The following GABRA4 variants were observed in gnomAD, a reference collection of about 807,000 sequenced individuals.
GABRA4 encodes the protein gamma-aminobutyric acid receptor subunit alpha-4.
GABRA4 carries 12 observed loss-of-function variants against 49.7 expected under a neutral mutation model. The observed-to-expected ratio is 0.24, with a 90% confidence interval of 0.15 to 0.39. The LOEUF is 0.39. Among genes scored for constraint, GABRA4 ranks in the 10% least tolerant of loss-of-function variants. GABRA4 has a pLI of 1.00. For missense variants in GABRA4, 506 were observed against 686.0 expected (o/e 0.74, Z 2.93); for synonymous variants, 288 against 240.2 (o/e 1.20, Z -1.84).
chr4:46,957,281 C>CAA (rs3046817), intron 8 of GABRA4, among the ~76,000 whole-genome samples: 77,506 of 151,290 alleles, frequency 0.51, 20,217 homozygotes, highest in East Asian at 0.7. Flanking sequence ...AGGATAAATA[C>CAA]AAAAAAAATT....
At chr4:46,975,295 A>G (rs1030363113) in intron 5 of GABRA4, among the ~76,000 whole-genome samples, 2 of 151,974 alleles carry the variant, frequency 1.3e-5, no homozygotes, top group African/African-American at 4.8e-5. Flanking sequence ...GAAACAAACT[A>G]TGAGGCTTGT....
rs1560479488 is a variant in GABRA4 at position 46,974,316 on chromosome 4, C to T, written c.637G>A (p.Glu213Lys). The T allele has an allele frequency of 6.2e-7, 1 of 1,611,750 alleles. No individual in the cohort carries two copies. The highest frequency in any genetic ancestry group is 1.7e-5 in the Admixed American group (1 of 59,842). The change falls in exon 6 of 9, where the codon GAA becomes AAA. Residue 213 changes from glutamate (E) to lysine (K), a missense_variant. This residue lies in a region of GABRA4 where 195 missense variants were observed against 326.0 expected (regional missense o/e 0.60). Transcript: ENST00000264318. ...AAGCTGGAAGACTCCTTCGGAACTT[C>T]AACTGATTTCTCAGGACCTTTTGTC... ...TWTKGPEKSV[E>K]VPKESSSLVQ...
rs1160419335 is a variant in GABRA4, at chr4:46,922,111, A to G, written c.*6114T>C. 6.6e-6 allele frequency: 1 copy of G among 152,126 alleles called. No homozygotes were observed. The highest frequency in any genetic ancestry group is 2.4e-5 in the African/African-American group (1 of 41,434). The allele number at this position is 152,126 out of a possible 1,614,324, so 9.4% of individuals were successfully genotyped here. A position where few individuals can be genotyped will look rare whatever the true frequency, so the allele number is the denominator to read the frequency against. On this transcript the variant is annotated 3_prime_UTR_variant, in exon 9 of 9. Coordinates refer to ENST00000264318, the MANE Select transcript of GABRA4 (RefSeq NM_000809.4). ...AAAATTCTGATAGACTATATTTGAG[A>G]GTTGTGAACAAGCTTGCTGAATAAT... is the stretch of plus-strand genomic sequence containing the variant.
Position 46,967,989 on chromosome 4 carries a change from C to T in GABRA4, c.875-2760G>A, listed in dbSNP as rs1722825060. Among the ~76,000 whole-genome samples, 3 of 151,502 alleles carry T rather than the reference C, an allele frequency of 2.0e-5. No homozygotes were observed. The Admixed American group carries it at 2.0e-4, about 10-fold the overall frequency. On this transcript the variant is annotated intron_variant, in intron 7 of 8. Coordinates refer to ENST00000264318, the MANE Select transcript of GABRA4 (RefSeq NM_000809.4). ...GCATACAGCTTTGGAGATAGAAGGC[C>T]TTTGGAGAGATTTTTAGGACACTCT... is the stretch of plus-strand genomic sequence containing the variant.
chr4:46,970,069 G>T (rs981750842), intron 7 of GABRA4, among the ~76,000 whole-genome samples: 21 of 151,306 alleles, frequency 1.4e-4, no homozygotes, highest in Admixed American at 6.6e-4. Context: ...TTAAAGGGAG[G>T]ATAGTTGTCT....
chr4:46,957,008 T>A (rs1722390249), intron 8 of GABRA4, among the ~76,000 whole-genome samples: 1 of 152,026 alleles, frequency 6.6e-6, no homozygotes, highest in Admixed American at 6.6e-5. Context: ...TATTATAAAG[T>A]GATAAATGAG....
rs1345539539 is a variant in GABRA4, at chr4:46,924,932, G to A, written c.*3293C>T. On this transcript the variant is annotated 3_prime_UTR_variant, in exon 9 of 9. Transcript: ENST00000264318. ...CTTGTTTAAAACCACAAGACACTCA[G>A]AACTTGAAATTAAGTGACCCATCTC... 6.6e-6 allele frequency: 1 copy of A among 151,880 alleles called. No homozygotes were observed. Among genetic ancestry groups the A allele is most frequent in the Non-Finnish European group, 1.5e-5 (1 of 67,884 alleles). The allele number at this position is 151,880 out of a possible 1,614,324, so 9.4% of individuals were successfully genotyped here. A position where few individuals can be genotyped will look rare whatever the true frequency, so the allele number is the denominator to read the frequency against.
intron 8 of GABRA4, among the ~76,000 whole-genome samples, chr4:46,953,113 C>A (rs1577763889): frequency 6.6e-6 from 1 of 152,046 alleles, no homozygotes; most frequent in East Asian, 1.9e-4. Context: ...AATTAGATAG[C>A]AATTCTAGAA....
rs565519451 is a variant in GABRA4, at chr4:46,958,146, C to T, written c.1134+6824G>A. 5.3e-5 allele frequency among the ~76,000 whole-genome samples: 8 copies of T among 151,976 alleles called. No individual in the cohort carries two copies. The East Asian group carries it at 1.6e-3, about 30-fold the overall frequency. ...TAAGAAAAAGAGCTCTGCATTCAGA[C>T]AGAGCCAAATTAATTTCGATATTAG... is the stretch of plus-strand genomic sequence containing the variant. On this transcript the variant is annotated intron_variant, in intron 8 of 8. Coordinates refer to ENST00000264318, the MANE Select transcript of GABRA4 (RefSeq NM_000809.4).
intron 2 of GABRA4, among the ~76,000 whole-genome samples, chr4:46,990,960 C>T (rs987746738): frequency 2.6e-5 from 4 of 152,188 alleles, no homozygotes; most frequent in Non-Finnish European, 5.9e-5. Context: ...GGGTGGATCA[C>T]TTGAGGTCAG....
In GABRA4 at chr4:46,927,971, C is replaced by T; in HGVS notation, c.*254G>A. On this transcript the variant is annotated 3_prime_UTR_variant, in exon 9 of 9. Transcript: ENST00000264318. The stretch of plus-strand genomic sequence containing the variant: ...CTCTAATAGCTCTATTTCTCTTATC[C>T]CAACTTTCCAGGATGGTGTGTATTC... 6.7e-6 allele frequency: 2 copies of T among 300,306 alleles called. No homozygotes were observed. The highest frequency in any genetic ancestry group is 6.4e-5 in the South Asian group (1 of 15,722). The allele number at this position is 300,306 out of a possible 1,614,324, so 18.6% of individuals were successfully genotyped here.
chr4:46,966,894 T>C (rs540046008), intron 7 of GABRA4, among the ~76,000 whole-genome samples: 1 of 151,836 alleles, frequency 6.6e-6, no homozygotes, highest in Non-Finnish European at 1.5e-5. Context: ...ATTCAATATA[T>C]AAATATCTGC....
intron 8 of GABRA4, among the ~76,000 whole-genome samples, chr4:46,929,075 A>C (rs892440202): frequency 6.6e-6 from 1 of 152,038 alleles, no homozygotes; most frequent in African/African-American, 2.4e-5. Context: ...TTTAAGAGTT[A>C]ATGAATACTG....
chr4:46,919,164 C>T lies in GABRA4; in HGVS notation c.*9061G>A, dbSNP rs1720884991. Reference sequence around the variant, plus strand: ...TTTAAGAAGCAAAGTAACTCTATTACCATAAGTAATAAGTTGAGCTTTGAA... The same window carrying T: ...TTTAAGAAGCAAAGTAACTCTATTATCATAAGTAATAAGTTGAGCTTTGAA... On this transcript the variant is annotated 3_prime_UTR_variant, in exon 9 of 9. Coordinates refer to ENST00000264318, the MANE Select transcript of GABRA4 (RefSeq NM_000809.4). 1 of 151,402 alleles carries T rather than the reference C, an allele frequency of 6.6e-6. No individual in the cohort carries two copies. Among genetic ancestry groups the T allele is most frequent in the Non-Finnish European group, 1.5e-5 (1 of 67,528 alleles). The allele number at this position is 151,402 out of a possible 1,614,324, so 9.4% of individuals were successfully genotyped here. A position where few individuals can be genotyped will look rare whatever the true frequency, so the allele number is the denominator to read the frequency against.
intron 8 of GABRA4, among the ~76,000 whole-genome samples, chr4:46,934,250 A>T (rs189436655): frequency 3.3e-3 from 509 of 152,320 alleles, no homozygotes; most frequent in African/African-American, 0.011. Context: ...ATATAAAGAC[A>T]TTTATTCAAG....
At chr4:46,983,497 A>C (rs1242830398) in intron 2 of GABRA4, among the ~76,000 whole-genome samples, 1 of 152,010 alleles carries the variant, frequency 6.6e-6, no homozygotes, top group African/African-American at 2.4e-5. Context: ...TGATTTAAAA[A>C]CCCATCAAAA....
At chr4:46,978,834 A>C (rs144768036) in intron 3 of GABRA4, among the ~76,000 whole-genome samples, 197 bp downstream of exon 3, 1,930 of 152,140 alleles carry the variant, frequency 0.013, 14 homozygotes, top group Non-Finnish European at 0.021. Flanking sequence ...CTAAATCAAC[A>C]AGTACTCAAA....
intron 8 of GABRA4, among the ~76,000 whole-genome samples, chr4:46,945,039 C>G (rs919107096): frequency 6.6e-6 from 1 of 152,118 alleles, no homozygotes; most frequent in South Asian, 2.1e-4. Context: ...CTTGTATACT[C>G]AAAATGTTCC....
At chr4:46,971,835 T>A (rs1256087591) in intron 6 of GABRA4, among the ~76,000 whole-genome samples, 4 of 150,638 alleles carry the variant, frequency 2.7e-5, no homozygotes, top group Non-Finnish European at 5.9e-5. Flanking sequence ...AAGAAAAATA[T>A]AGACGTGTAT....
Sources: gnomAD v4.1 joint callset for allele counts (sites outside exome capture counted in the v4.1 genomes callset) on GRCh38, gnomAD v4.1.1 for gene constraint, gnomAD v4.1.1 regional missense constraint, MANE v1.5 for transcripts, NCBI Gene and HGNC (gene_info 2026-07-23, HGNC 2026-07-21) for gene names.